NRG3: variants seen among roughly 807,000 people sequenced by gnomAD.
NRG3 encodes neuregulin 3.
A neutral mutation model predicts 66.9 loss-of-function variants in NRG3; 31 were observed. The observed-to-expected ratio is 0.46, with a 90% CI of 0.35 to 0.63. NRG3 has a LOEUF of 0.63. NRG3 is among the 20% of genes least tolerant of loss of function. The pLI, the probability that NRG3 is intolerant of heterozygous loss-of-function variation, is 0.00. For synonymous variants in NRG3, 393 were observed against 359.4 expected (o/e 1.09, Z -1.06); for missense variants, 910 against 878.9 (o/e 1.04, Z -0.45).
chr10:82,156,667 A>AT (rs1352779339), intron 1 of NRG3, among the ~76,000 whole-genome samples: 1 of 151,668 alleles, frequency 6.6e-6, no homozygotes, highest in African/African-American at 2.4e-5. Flanking sequence ...CCTTCATCAG[A>AT]TTTTAGCTCC....
At chr10:82,231,374 T>C (rs963547079) in intron 1 of NRG3, among the ~76,000 whole-genome samples, 2 of 151,346 alleles carry the variant, frequency 1.3e-5, no homozygotes, top group African/African-American at 2.4e-5. Flanking sequence ...TAAAAAAATA[T>C]CACATTGTAT....
chr10:81,915,219 C>G (rs1845563046), intron 1 of NRG3, among the ~76,000 whole-genome samples: 1 of 152,132 alleles, frequency 6.6e-6, no homozygotes, highest in Admixed American at 6.5e-5. Flanking sequence ...AAGCATTAAT[C>G]AGACTTGAGG....
chr10:82,473,207 T>C (rs1243566793), intron 2 of NRG3, among the ~76,000 whole-genome samples: 1 of 152,158 alleles, frequency 6.6e-6, no homozygotes, highest in Non-Finnish European at 1.5e-5. Context: ...CAAGCTAAAA[T>C]GGAGTGCCTA....
rs1449934073 is a variant in NRG3 at position 82,358,768 on chromosome 10, G to C, written c.853G>C (p.Glu285Gln). 6.2e-7 allele frequency: 1 copy of C among 1,614,096 alleles called. No homozygotes were observed. Among genetic ancestry groups the C allele is most frequent in the Non-Finnish European group, 8.5e-7 (1 of 1,180,012 alleles). ...HTTTYSTERS[E>Q]HFKPCRDKDL... The stretch of plus-strand genomic sequence containing the variant: ...GACGACATATTCCACAGAGCGATCC[G>C]AGCACTTCAAACCCTGCCGAGACAA... The change falls in exon 2 of 9, where the codon GAG (glutamate) becomes CAG (glutamine). Residue 285 changes from glutamate (E) to glutamine (Q), a missense_variant. By Grantham distance (29) the Glu-to-Gln change is conservative. Transcript: ENST00000372141.
chr10:82,272,295 A>G (rs1293432357), intron 1 of NRG3, among the ~76,000 whole-genome samples: 4 of 152,018 alleles, frequency 2.6e-5, no homozygotes, highest in African/African-American at 9.7e-5. Flanking sequence ...AAGGACTGAA[A>G]GAAGGGCCAG....
chr10:81,963,395 A>C (rs1056851127), intron 1 of NRG3, among the ~76,000 whole-genome samples: 1 of 149,080 alleles, frequency 6.7e-6, no homozygotes, highest in East Asian at 2.0e-4. Flanking sequence ...GGCCTCCCAA[A>C]GTGCTGGGAT....
intron 2 of NRG3, among the ~76,000 whole-genome samples, chr10:82,723,303 G>A (rs2057409953): frequency 6.6e-6 from 1 of 152,074 alleles, no homozygotes; most frequent in South Asian, 2.1e-4. Flanking sequence ...ATAGACACTG[G>A]GGACTACTGG....
At chr10:82,405,053 A>G (rs1001502303) in intron 2 of NRG3, among the ~76,000 whole-genome samples, 18 of 152,176 alleles carry the variant, frequency 1.2e-4, no homozygotes, top group African/African-American at 3.9e-4. Context: ...TGTTCTGATG[A>G]ATATTTGGAA....
chr10:82,447,590 C>G (rs2090799782), intron 2 of NRG3, among the ~76,000 whole-genome samples: 1 of 152,226 alleles, frequency 6.6e-6, no homozygotes, highest in African/African-American at 2.4e-5. Flanking sequence ...CCTTCCACCC[C>G]CAGATGCACA....
At chr10:82,628,436 C>T (rs1324899492) in intron 2 of NRG3, among the ~76,000 whole-genome samples, 3 of 152,058 alleles carry the variant, frequency 2.0e-5, no homozygotes, top group African/African-American at 7.2e-5. Flanking sequence ...GGGTGTTAAC[C>T]ATTATTTGAG....
At chr10:82,783,032 TG>T (rs2060185869) in intron 3 of NRG3, among the ~76,000 whole-genome samples, 1 of 152,256 alleles carries the variant, frequency 6.6e-6, no homozygotes, top group African/African-American at 2.4e-5. Flanking sequence ...GCTTCATCCC[TG>T]GGATGCAAGG....
intron 6 of NRG3, among the ~76,000 whole-genome samples, chr10:82,963,446 C>T (rs953099920): frequency 2.6e-5 from 4 of 151,648 alleles, no homozygotes; most frequent in Non-Finnish European, 4.4e-5. Flanking sequence ...TTTGGGAGGC[C>T]GAGGCGGGTG....
chr10:82,117,095 C>T (rs895158323), intron 1 of NRG3, among the ~76,000 whole-genome samples: 30 of 152,028 alleles, frequency 2.0e-4, no homozygotes, highest in African/African-American at 6.5e-4. Context: ...CTTAGATGGC[C>T]GATAGCCACC....
chr10:82,722,276 A>C (rs145700086), intron 2 of NRG3, among the ~76,000 whole-genome samples: 1,539 of 152,316 alleles, frequency 0.01, 23 homozygotes, highest in African/African-American at 0.035. Flanking sequence ...ATGGTATTAG[A>C]AAATGTTTAT....
chr10:82,824,917 G>T (rs1384662444), intron 3 of NRG3, among the ~76,000 whole-genome samples: 1 of 151,894 alleles, frequency 6.6e-6, no homozygotes, highest in Non-Finnish European at 1.5e-5. Flanking sequence ...TCACTGTGTT[G>T]CCCAGGCTGG....
At chr10:82,336,901 A>G (rs1029275000) in intron 1 of NRG3, among the ~76,000 whole-genome samples, 2 of 152,210 alleles carry the variant, frequency 1.3e-5, no homozygotes, top group African/African-American at 4.8e-5. Context: ...CAGAGAATGG[A>G]CCAATTTTCT....
intron 1 of NRG3, among the ~76,000 whole-genome samples, chr10:81,959,255 A>G (rs1056300768): frequency 6.6e-6 from 1 of 152,176 alleles, no homozygotes; most frequent in Non-Finnish European, 1.5e-5. Flanking sequence ...TTGTGTTGTC[A>G]TTGTGCTACT....
intron 2 of NRG3, among the ~76,000 whole-genome samples, chr10:82,645,768 A>G (rs1204206235): frequency 6.6e-6 from 1 of 152,162 alleles, no homozygotes; most frequent in Non-Finnish European, 1.5e-5. Context: ...GGAAAAAACA[A>G]GAGTGTTGTA....
At chr10:82,295,508 A>G (rs956456469) in intron 1 of NRG3, among the ~76,000 whole-genome samples, 36 of 152,162 alleles carry the variant, frequency 2.4e-4, no homozygotes, top group Non-Finnish European at 1.0e-4. Context: ...TCATAAACAC[A>G]TTCACTATTA....
Sources: gnomAD v4.1 joint callset for allele counts (sites outside exome capture counted in the v4.1 genomes callset) on GRCh38, gnomAD v4.1.1 for gene constraint, MANE v1.5 for transcripts, NCBI Gene and HGNC (gene_info 2026-07-23, HGNC 2026-07-21) for gene names.